FHIT: variants seen among roughly 807,000 people sequenced by gnomAD.
FHIT encodes the protein fragile histidine triad diadenosine triphosphatase.
A neutral mutation model predicts 17.9 loss-of-function variants in FHIT; 19 were observed. That is an observed-to-expected ratio of 1.06 (90% CI 0.74 to 1.56). FHIT has a LOEUF of 1.56. FHIT is among the 40% of genes most tolerant of loss of function. FHIT has a pLI of 0.00. For synonymous variants in FHIT, 81 were observed against 69.7 expected, an observed-to-expected ratio of 1.16 and a Z score of -0.81; for missense variants, 248 against 189.2, an observed-to-expected ratio of 1.31 and a Z score of -1.82.
chr3:60,753,877 G>A (rs1559695922), intron 4 of FHIT, among the ~76,000 whole-genome samples: 1 of 151,866 alleles, frequency 6.6e-6, no homozygotes, highest in Non-Finnish European at 1.5e-5. Flanking sequence ...ATTTCCATAG[G>A]AAATTTATTT....
At chr3:60,724,100 A>G (rs1261520702) in intron 4 of FHIT, among the ~76,000 whole-genome samples, 6 of 152,046 alleles carry the variant, frequency 3.9e-5, no homozygotes, top group Admixed American at 3.9e-4. Context: ...CATTTTCATC[A>G]CCCCACAAAG....
At chr3:61,211,006 A>G (rs2039448565) in intron 1 of FHIT, among the ~76,000 whole-genome samples, 1 of 152,094 alleles carries the variant, frequency 6.6e-6, no homozygotes, top group South Asian at 2.1e-4. Context: ...ATTTAAAAAT[A>G]AAAGTGGTGG....
chr3:60,390,803 A>G (rs1479867893), intron 5 of FHIT, among the ~76,000 whole-genome samples: 1 of 152,216 alleles, frequency 6.6e-6, no homozygotes, highest in African/African-American at 2.4e-5. Flanking sequence ...ATATTTGTAC[A>G]TAGCTGTACA....
chr3:61,042,450 C>T (rs1397650410), intron 2 of FHIT, among the ~76,000 whole-genome samples: 1 of 152,048 alleles, frequency 6.6e-6, no homozygotes, highest in Non-Finnish European at 1.5e-5. Context: ...ACAAAACTGG[C>T]CATGAGCTGA....
At position 61,126,735 on chromosome 3, in the gene FHIT, G is replaced by A. The variant is rs148077693; in HGVS notation, c.-164+73882C>T. On this transcript the variant is annotated intron_variant, in intron 2 of 9. Transcript: ENST00000492590. The stretch of plus-strand genomic sequence containing the variant: ...TATTTAGCATGTTAGCTGGTGATAG[G>A]TGCTGTAGAGAAAACAAAGCCCGGA... Among the ~76,000 whole-genome samples, 129 of 152,274 alleles carry A rather than the reference G, an allele frequency of 8.5e-4. No individual in the cohort carries two copies. The Middle Eastern group carries it at 0.01, about 12-fold the overall frequency.
chr3:60,830,944 G>T (rs1229067742), intron 3 of FHIT, among the ~76,000 whole-genome samples: 1 of 152,130 alleles, frequency 6.6e-6, no homozygotes, highest in African/African-American at 2.4e-5. Flanking sequence ...CTGTGTCTAG[G>T]TGTGATATAA....
At chr3:60,067,564 C>A (rs1192512435) in intron 5 of FHIT, among the ~76,000 whole-genome samples, 1 of 152,188 alleles carries the variant, frequency 6.6e-6, no homozygotes, top group Non-Finnish European at 1.5e-5. Flanking sequence ...AGAGAGCCCA[C>A]AGGTACTATC....
chr3:61,061,061 C>T (rs1221555094), intron 2 of FHIT, among the ~76,000 whole-genome samples: 3 of 152,130 alleles, frequency 2.0e-5, no homozygotes, highest in Non-Finnish European at 4.4e-5. Context: ...ATGTTCCAGC[C>T]CTTTGATGAA....
chr3:59,994,181 A>C lies in FHIT; in HGVS notation c.279+17190T>G, dbSNP rs553883311. Among the ~76,000 whole-genome samples, 287 of 152,242 alleles carry C rather than the reference A, an allele frequency of 1.9e-3. 1 individual carries two copies. Among genetic ancestry groups the C allele is most frequent in the African/African-American group, 6.7e-3 (280 of 41,580 alleles). On this transcript the variant is annotated intron_variant, in intron 7 of 9. Coordinates refer to ENST00000492590, the MANE Select transcript of FHIT (RefSeq NM_002012.4). Reference sequence around the variant, plus strand: ...AGCATTACTCCCAGAATACTGCCTTACAAAAATAAGATAAGCCATGTGACA... The same window carrying C: ...AGCATTACTCCCAGAATACTGCCTTCCAAAAATAAGATAAGCCATGTGACA...
intron 4 of FHIT, among the ~76,000 whole-genome samples, chr3:60,791,231 C>T (rs1299727342): frequency 6.6e-6 from 1 of 151,714 alleles, no homozygotes; most frequent in Admixed American, 6.6e-5. Context: ...TGTTTCTCCA[C>T]ATTGGAGCCC....
intron 4 of FHIT, among the ~76,000 whole-genome samples, chr3:60,641,081 G>A (rs534579219): frequency 8.1e-4 from 124 of 152,284 alleles, no homozygotes; most frequent in African/African-American, 2.8e-3. Flanking sequence ...TTGGGAGGCT[G>A]AGGCAGGAGA....
chr3:60,981,516 G>C (rs1466796231), intron 3 of FHIT, among the ~76,000 whole-genome samples: 1 of 151,572 alleles, frequency 6.6e-6, no homozygotes, highest in African/African-American at 2.4e-5. Flanking sequence ...TCACTGTGTT[G>C]CCCAGGCTGG....
At chr3:59,968,819 G>C (rs1238185288) in intron 7 of FHIT, among the ~76,000 whole-genome samples, 2 of 152,192 alleles carry the variant, frequency 1.3e-5, no homozygotes, top group African/African-American at 4.8e-5. Flanking sequence ...GCTTTTGAGA[G>C]ATGCTAGAGT....
At chr3:60,195,451 C>A (rs1201365883) in intron 5 of FHIT, among the ~76,000 whole-genome samples, 1 of 150,272 alleles carries the variant, frequency 6.7e-6, no homozygotes. Flanking sequence ...AAAAAGACAC[C>A]TGCACACATA....
chr3:60,470,504 G>A lies in FHIT; in HGVS notation c.103+66356C>T, dbSNP rs543301880. Among the ~76,000 whole-genome samples, 62 of 151,930 alleles carry A rather than the reference G, an allele frequency of 4.1e-4. 1 individual carries two copies. In the South Asian group the frequency reaches 7.7e-3, roughly 19 times the overall value. On this transcript the variant is annotated intron_variant, in intron 5 of 9. Coordinates refer to ENST00000492590, the MANE Select transcript of FHIT (RefSeq NM_002012.4). ...CTGACCACCACTGCTCCGGGCACAT[G>A]GAGAGTATTGCCTGGCTACCAATGA...
intron 8 of FHIT, among the ~76,000 whole-genome samples, chr3:59,787,481 A>AAC (rs58100812): frequency 0.11 from 16,331 of 142,216 alleles, 1,058 homozygotes; most frequent in East Asian, 0.22. Context: ...CAAGGGGCAA[A>AAC]ACACACACAC....
intron 5 of FHIT, among the ~76,000 whole-genome samples, chr3:60,451,648 C>A (rs75102270): frequency 6.6e-6 from 1 of 152,044 alleles, no homozygotes. Context: ...TAAGTATCTA[C>A]GGAAAATCTC....
At chr3:59,797,557 G>A (rs938336556) in intron 8 of FHIT, among the ~76,000 whole-genome samples, 8 of 152,122 alleles carry the variant, frequency 5.3e-5, no homozygotes, top group Non-Finnish European at 1.0e-4. Context: ...TCATTTCTTT[G>A]GATGAACCAA....
chr3:60,475,525 G>C (rs534338029), intron 5 of FHIT, among the ~76,000 whole-genome samples: 3 of 152,170 alleles, frequency 2.0e-5, no homozygotes, highest in African/African-American at 7.2e-5. Context: ...GCTTAAAACT[G>C]CAGCAGCTGA....
Sources: allele counts gnomAD v4.1 joint callset (sites outside exome capture counted in the v4.1 genomes callset), GRCh38; gene constraint gnomAD v4.1.1; transcripts MANE v1.5; gene names NCBI Gene and HGNC (gene_info 2026-07-23, HGNC 2026-07-21).